Variants in LDB2 observed in about 807,000 individuals in gnomAD.
LDB2 encodes the protein LIM domain binding 2, also known as LIM domain-binding protein 2.
A neutral mutation model predicts 44.3 loss-of-function variants in LDB2; 12 were observed. That is an observed-to-expected ratio of 0.27 (90% confidence interval 0.17 to 0.44). The LOEUF is 0.44. LDB2 is among the 20% of genes least tolerant of loss of function. The pLI is 1.00. For synonymous variants in LDB2, 164 were observed against 174.8 expected (o/e 0.94, Z 0.49); for missense variants, 344 against 473.5 (o/e 0.73, Z 2.54).
intron 1 of LDB2, among the ~76,000 whole-genome samples, chr4:16,855,495 G>A (rs2110215603): frequency 6.6e-6 from 1 of 152,180 alleles, no homozygotes; most frequent in African/African-American, 2.4e-5. Flanking sequence ...CTTATTTTGT[G>A]CAATACCATT....
At chr4:16,588,676 GAAAA>G (rs1717864339) in intron 4 of LDB2, 30 bp downstream of exon 4, 2 of 1,605,426 alleles carry the variant, frequency 1.2e-6, no homozygotes, top group South Asian at 1.1e-5. Context: ...GGAAAAAAAA[GAAAA>G]GAAAGCAAAA....
chr4:16,675,349 C>T (rs1220117743), intron 2 of LDB2, among the ~76,000 whole-genome samples: 1 of 152,068 alleles, frequency 6.6e-6, no homozygotes, highest in East Asian at 1.9e-4. Context: ...CATGATATGT[C>T]CTCATGTGAC....
chr4:16,632,970 A>C (rs1026611545), intron 2 of LDB2, among the ~76,000 whole-genome samples: 5 of 152,234 alleles, frequency 3.3e-5, no homozygotes, highest in Non-Finnish European at 7.3e-5. Context: ...TCATGCTGCT[A>C]TAAAGGCCCA....
chr4:16,573,909 G>A (rs1266752228), intron 5 of LDB2, among the ~76,000 whole-genome samples: 1 of 152,078 alleles, frequency 6.6e-6, no homozygotes, highest in African/African-American at 2.4e-5. Context: ...TGTAACCAAG[G>A]GAAGTACCCT....
At chr4:16,677,515 C>T (rs376426753) in intron 2 of LDB2, among the ~76,000 whole-genome samples, 14 of 152,264 alleles carry the variant, frequency 9.2e-5, no homozygotes, top group African/African-American at 3.4e-4. Flanking sequence ...ATCCACATCC[C>T]CCACATTCAG....
chr4:16,798,485 C>T (rs894901569), intron 1 of LDB2, among the ~76,000 whole-genome samples: 2 of 152,306 alleles, frequency 1.3e-5, no homozygotes, highest in Admixed American at 1.3e-4. Flanking sequence ...TGGAAACACA[C>T]CAACAAAATC....
intron 1 of LDB2, among the ~76,000 whole-genome samples, chr4:16,778,933 A>C (rs1772556085): frequency 6.6e-6 from 1 of 152,240 alleles, no homozygotes; most frequent in East Asian, 1.9e-4. Context: ...TTCTAATATT[A>C]GACCAAGAAC....
At chr4:16,653,176 T>C (rs1738789836) in intron 2 of LDB2, among the ~76,000 whole-genome samples, 1 of 152,298 alleles carries the variant, frequency 6.6e-6, no homozygotes, top group Admixed American at 6.5e-5. Context: ...CCAGCTGCCC[T>C]GACTGGAGAG....
chr4:16,774,869 G>C (rs1356830703), intron 1 of LDB2, among the ~76,000 whole-genome samples: 1 of 152,160 alleles, frequency 6.6e-6, no homozygotes, highest in Non-Finnish European at 1.5e-5. Context: ...GTTCACTACA[G>C]CCAAGAAATG....
chr4:16,789,237 G>C (rs562072689), intron 1 of LDB2, among the ~76,000 whole-genome samples: 1 of 152,314 alleles, frequency 6.6e-6, no homozygotes, highest in African/African-American at 2.4e-5. Context: ...ACGGACCCAA[G>C]TGGGAGAGAG....
intron 5 of LDB2, among the ~76,000 whole-genome samples, chr4:16,534,671 A>G (rs1731184411): frequency 6.6e-6 from 1 of 152,238 alleles, no homozygotes; most frequent in African/African-American, 2.4e-5. Context: ...GTGACATGAA[A>G]TTGTTATTTT....
intron 1 of LDB2, among the ~76,000 whole-genome samples, chr4:16,830,719 T>C (rs893020486): frequency 1.3e-5 from 2 of 152,240 alleles, no homozygotes; most frequent in African/African-American, 4.8e-5. Context: ...AAGAACTCTA[T>C]CTAATTCTGC....
intron 1 of LDB2, among the ~76,000 whole-genome samples, chr4:16,789,567 C>T (rs1304694655): frequency 6.6e-6 from 1 of 152,318 alleles, no homozygotes; most frequent in Non-Finnish European, 1.5e-5. Context: ...AACACAACTA[C>T]CATTTGTCCA....
At chr4:16,639,290 T>C (rs1219493783) in intron 2 of LDB2, among the ~76,000 whole-genome samples, 2 of 152,222 alleles carry the variant, frequency 1.3e-5, no homozygotes. Context: ...GTGCTAACAA[T>C]TGGGTCTATA....
rs559467972 is a variant in LDB2 at position 16,847,387 on chromosome 4, A to T, written c.132+50967T>A. On this transcript the variant is annotated intron_variant, in intron 1 of 7. Transcript: ENST00000304523. ...AACTCAGTGTTAACATTCTAGAGGA[A>T]GATTTTAGGAAATGTCCAAACTCTT... is the stretch of plus-strand genomic sequence containing the variant. Among the ~76,000 whole-genome samples, 3 of 152,328 alleles carry T rather than the reference A, an allele frequency of 2.0e-5. No homozygotes were observed. In the East Asian group the frequency reaches 5.8e-4, roughly 29 times the overall value.
At chr4:16,740,119 T>C (rs544434672) in intron 2 of LDB2, among the ~76,000 whole-genome samples, 25 of 152,278 alleles carry the variant, frequency 1.6e-4, no homozygotes, top group Non-Finnish European at 3.5e-4. Context: ...AACTTGGAAT[T>C]GGAGATGGGA....
At chr4:16,730,545 A>G (rs1178683654) in intron 2 of LDB2, among the ~76,000 whole-genome samples, 1 of 152,310 alleles carries the variant, frequency 6.6e-6, no homozygotes, top group African/African-American at 2.4e-5. Context: ...CAAACCAAGC[A>G]CTTCCCATAC....
chr4:16,609,354 G>T (rs911716961), intron 2 of LDB2, among the ~76,000 whole-genome samples: 2 of 149,030 alleles, frequency 1.3e-5, no homozygotes, highest in South Asian at 4.3e-4. Context: ...GAGGGGGCGG[G>T]GGGGGGAGGG....
chr4:16,838,738 C>G (rs1034968723), intron 1 of LDB2, among the ~76,000 whole-genome samples: 1 of 152,192 alleles, frequency 6.6e-6, no homozygotes, highest in African/African-American at 2.4e-5. Flanking sequence ...AGGAAAAGGA[C>G]ATTAATCTGT....
Sources: allele counts gnomAD v4.1 joint callset (sites outside exome capture counted in the v4.1 genomes callset), GRCh38; gene constraint gnomAD v4.1.1; transcripts MANE v1.5; gene names NCBI Gene and HGNC (gene_info 2026-07-23, HGNC 2026-07-21).